Variants in LRRTM3 observed in about 807,000 individuals in gnomAD.
LRRTM3 encodes leucine rich repeat transmembrane neuronal 3, also known as leucine-rich repeat transmembrane neuronal protein 3.
A neutral mutation model predicts 44.7 loss-of-function variants in LRRTM3; 24 were observed. That is an observed-to-expected ratio of 0.54 (90% confidence interval 0.39 to 0.76). The LOEUF is 0.76. LRRTM3 is among the 30% of genes least tolerant of loss of function. LRRTM3 has a pLI of 0.00. For synonymous variants in LRRTM3, 277 were observed against 278.7 expected, an observed-to-expected ratio of 0.99 and a Z score of 0.06; for missense variants, 587 against 702.2, an observed-to-expected ratio of 0.84 and a Z score of 1.85.
chr10:67,072,839 TTTTG>T (rs1856541870), intron 2 of LRRTM3, among the ~76,000 whole-genome samples: 1 of 151,842 alleles, frequency 6.6e-6, no homozygotes, highest in Non-Finnish European at 1.5e-5. Context: ...TGCCAAGTCC[TTTTG>T]TTTGTTTATT....
intron 2 of LRRTM3, among the ~76,000 whole-genome samples, chr10:67,055,362 A>G (rs1249838042): frequency 1.3e-5 from 2 of 152,210 alleles, no homozygotes; most frequent in Non-Finnish European, 2.9e-5. Context: ...GTAAAAAGAG[A>G]GCAGTCAAAC....
intron 2 of LRRTM3, among the ~76,000 whole-genome samples, chr10:67,088,828 T>C (rs551607322): frequency 4.9e-4 from 74 of 152,166 alleles, no homozygotes; most frequent in Non-Finnish European, 8.7e-4. Context: ...AGTTCCTGCC[T>C]TATTATCCTA....
intron 2 of LRRTM3, among the ~76,000 whole-genome samples, chr10:66,949,528 A>G (rs1848432659): frequency 6.6e-6 from 1 of 151,540 alleles, no homozygotes; most frequent in Non-Finnish European, 1.5e-5. Flanking sequence ...ATTGGACTCC[A>G]TCCTGGGCAA....
At chr10:67,081,025 T>C (rs1312817968) in intron 2 of LRRTM3, among the ~76,000 whole-genome samples, 3 of 152,096 alleles carry the variant, frequency 2.0e-5, no homozygotes, top group African/African-American at 7.2e-5. Context: ...CAGTCCCTTA[T>C]ATTTACCCTA....
intron 2 of LRRTM3, among the ~76,000 whole-genome samples, chr10:67,025,682 T>C (rs1337658783): frequency 2.0e-5 from 3 of 152,166 alleles, no homozygotes; most frequent in Admixed American, 6.5e-5. Flanking sequence ...TACTATATCA[T>C]TACACAACAA....
chr10:66,958,299 G>A (rs1564794620), intron 2 of LRRTM3, among the ~76,000 whole-genome samples: 1 of 107,340 alleles, frequency 9.3e-6, no homozygotes, highest in Non-Finnish European at 1.8e-5. Flanking sequence ...TCCTCCACCT[G>A]CTTTCTTGCA....
chr10:67,056,351 G>A (rs747706324), intron 2 of LRRTM3, among the ~76,000 whole-genome samples: 23 of 152,180 alleles, frequency 1.5e-4, no homozygotes, highest in Middle Eastern at 3.4e-3. Context: ...ATGCATAATT[G>A]GTCATTGTTA....
chr10:66,987,119 G>T lies in LRRTM3; in HGVS notation c.1536+58667G>T, dbSNP rs61866229. Among the ~76,000 whole-genome samples the T allele has an allele frequency of 7.5e-3, 1,137 of 152,310 alleles. 6 individuals are homozygous for T. The highest frequency in any genetic ancestry group is 0.012 in the Non-Finnish European group (813 of 68,032). ...TTAGCATTTTAGAGGACAGCAAGCA[G>T]GCAAAGTTGTCTAGAGCCACGTGCG... On this transcript the variant is annotated intron_variant, in intron 2 of 2. Transcript: ENST00000361320.
At chr10:66,936,319 T>TAA (rs769018840) in intron 2 of LRRTM3, among the ~76,000 whole-genome samples, 6 of 149,932 alleles carry the variant, frequency 4.0e-5, no homozygotes, top group African/African-American at 1.5e-4. Flanking sequence ...TTCTTAATGT[T>TAA]AAAAAAAAAA....
intron 2 of LRRTM3, among the ~76,000 whole-genome samples, chr10:67,028,204 T>C (rs561570512): frequency 1.4e-3 from 213 of 152,314 alleles, no homozygotes; most frequent in Non-Finnish European, 1.9e-3. Flanking sequence ...TCCCATCCAC[T>C]CTTATTTCTT....
At chr10:66,954,011 T>C (rs1386758624) in intron 2 of LRRTM3, among the ~76,000 whole-genome samples, 1 of 152,214 alleles carries the variant, frequency 6.6e-6, no homozygotes, top group Non-Finnish European at 1.5e-5. Context: ...AGCTGGTGCA[T>C]AGTAAGTGCT....
intron 2 of LRRTM3, among the ~76,000 whole-genome samples, chr10:66,962,109 G>C (rs1849142529): frequency 6.6e-6 from 1 of 152,172 alleles, no homozygotes; most frequent in South Asian, 2.1e-4. Context: ...ATGTGGGCTA[G>C]AGTGATCATT....
chr10:66,959,257 A>G (rs1366165372), intron 2 of LRRTM3, among the ~76,000 whole-genome samples: 1 of 152,164 alleles, frequency 6.6e-6, no homozygotes, highest in Non-Finnish European at 1.5e-5. Flanking sequence ...TCATGTTCCC[A>G]AATCTTCAGT....
At position 67,004,642 on chromosome 10, in the gene LRRTM3, T is replaced by A. The variant is rs545472761; in HGVS notation, c.1536+76190T>A. 7.2e-5 allele frequency among the ~76,000 whole-genome samples: 11 copies of A among 152,332 alleles called. No homozygotes were observed. In the South Asian group the frequency reaches 2.3e-3, roughly 32 times the overall value. On this transcript the variant is annotated intron_variant, in intron 2 of 2. Transcript: ENST00000361320. ...TAATCCTACAATAAGTCAAGATAACTGATGGCATTGGCAAGTAGTTGAAAT... is the reference window on the plus strand; with the variant it reads ...TAATCCTACAATAAGTCAAGATAACAGATGGCATTGGCAAGTAGTTGAAAT...
intron 2 of LRRTM3, among the ~76,000 whole-genome samples, chr10:66,995,806 C>CAA (rs917689973): frequency 2.6e-5 from 4 of 152,286 alleles, no homozygotes; most frequent in African/African-American, 9.6e-5. Flanking sequence ...AGGTCTAATA[C>CAA]AAGCATTACT....
chr10:67,054,875 T>C (rs1855330916), intron 2 of LRRTM3: 1 of 152,184 alleles, frequency 6.6e-6, no homozygotes, highest in Admixed American at 6.5e-5. Context: ...GAGATCCTGT[T>C]AGTACATTAT....
At chr10:66,946,726 A>T (rs896335459) in intron 2 of LRRTM3, among the ~76,000 whole-genome samples, 1 of 152,144 alleles carries the variant, frequency 6.6e-6, no homozygotes, top group African/African-American at 2.4e-5. Context: ...GTAGAACTAC[A>T]TATTTCTCAT....
chr10:67,065,955 C>A (rs186785281), intron 2 of LRRTM3, among the ~76,000 whole-genome samples: 1 of 152,002 alleles, frequency 6.6e-6, no homozygotes, highest in Non-Finnish European at 1.5e-5. Flanking sequence ...AAAAAATATG[C>A]CACCAAGTAT....
intron 2 of LRRTM3, among the ~76,000 whole-genome samples, chr10:67,010,262 G>T (rs1004337182): frequency 9.2e-5 from 14 of 152,106 alleles, no homozygotes; most frequent in Non-Finnish European, 1.9e-4. Context: ...TCTCATAATT[G>T]TATGTAGGCA....
Sources: gnomAD v4.1 joint callset for allele counts (sites outside exome capture counted in the v4.1 genomes callset) on GRCh38, gnomAD v4.1.1 for gene constraint, MANE v1.5 for transcripts, NCBI Gene and HGNC (gene_info 2026-07-23, HGNC 2026-07-21) for gene names.